DSCAM: variants seen among roughly 807,000 people sequenced by gnomAD.
DSCAM encodes the protein cell adhesion molecule DSCAM.
DSCAM carries 47 observed loss-of-function variants against 217.7 expected under a neutral mutation model. That is an observed-to-expected ratio of 0.22 (90% CI 0.17 to 0.28). The LOEUF (loss-of-function observed/expected upper bound fraction) is 0.28, where lower values mean the gene tolerates loss of function less well. Ranked by LOEUF, DSCAM falls within the 10% of genes least tolerant of loss-of-function variation. The probability of loss-of-function intolerance (pLI) is 1.00; values close to 1 mark genes in which losing one functional copy is unlikely to be tolerated. For synonymous variants in DSCAM, 1,056 were observed against 1,015.3 expected (o/e 1.04, Z -0.76); for missense variants, 2,080 against 2,618.3 (o/e 0.79, Z 4.49).
chr21:40,635,321 C>T (rs368344666), intron 3 of DSCAM, among the ~76,000 whole-genome samples: 31 of 152,180 alleles, frequency 2.0e-4, no homozygotes, highest in African/African-American at 6.5e-4. Flanking sequence ...GCGGGCCAGA[C>T]ACTGGAGACC....
intron 32 of DSCAM, among the ~76,000 whole-genome samples, chr21:40,039,292 G>T (rs1376399875): frequency 6.7e-6 from 1 of 150,300 alleles, no homozygotes; most frequent in African/African-American, 2.4e-5. Flanking sequence ...ATTAAATTAT[G>T]CAGATGAAAT....
At chr21:40,819,711 T>C (rs1305839372) in intron 1 of DSCAM, among the ~76,000 whole-genome samples, 2 of 152,192 alleles carry the variant, frequency 1.3e-5, no homozygotes, top group Non-Finnish European at 2.9e-5. Flanking sequence ...CTCATGAATA[T>C]GTTTGCCATG....
intron 10 of DSCAM, among the ~76,000 whole-genome samples, chr21:40,290,146 C>G (rs1008851766): frequency 1.3e-5 from 2 of 152,038 alleles, no homozygotes; most frequent in Non-Finnish European, 2.9e-5. Flanking sequence ...AGGTGGCAAT[C>G]CTATGGAACC....
intron 8 of DSCAM, 139 bp from the exon 9 acceptor site, chr21:40,312,498 A>G: frequency 1.0e-6 from 1 of 968,926 alleles, no homozygotes; most frequent in Non-Finnish European, 1.5e-6. Flanking sequence ...AGCAAATTTG[A>G]AATTCTGCTT....
chr21:40,289,016 A>C (rs1451332901), intron 10 of DSCAM, among the ~76,000 whole-genome samples: 1 of 152,206 alleles, frequency 6.6e-6, no homozygotes. Flanking sequence ...ATCAAGTCCA[A>C]ATTTAATGAC....
chr21:40,583,087 T>C (rs1313256497), intron 3 of DSCAM, among the ~76,000 whole-genome samples: 4 of 152,254 alleles, frequency 2.6e-5, no homozygotes, highest in Admixed American at 6.5e-5. Flanking sequence ...GAAAGATCAC[T>C]TCAGAATTCA....
intron 32 of DSCAM, among the ~76,000 whole-genome samples, chr21:40,028,637 TTTGACTAGGA>T (rs1428922088): frequency 6.6e-6 from 1 of 152,174 alleles, no homozygotes; most frequent in Non-Finnish European, 1.5e-5. Flanking sequence ...CACCCCTTTC[TTTGACTAGGA>T]AAGGGAACTC....
At chr21:40,376,421 TATATAG>T (rs1424716153) in intron 3 of DSCAM, among the ~76,000 whole-genome samples, 15 of 142,658 alleles carry the variant, frequency 1.1e-4, no homozygotes, top group African/African-American at 3.4e-4. Context: ...ATATATATCT[TATATAG>T]ATATCTATAT....
intron 11 of DSCAM, among the ~76,000 whole-genome samples, chr21:40,216,172 T>C (rs1033506707): frequency 3.9e-5 from 6 of 152,116 alleles, no homozygotes; most frequent in African/African-American, 1.4e-4. Context: ...AGATCATAGC[T>C]CACTGCAACC....
Position 40,112,985 on chromosome 21 carries a change from G to A in DSCAM, c.3696+11210C>T, listed in dbSNP as rs543674117. Among the ~76,000 whole-genome samples the A allele has an allele frequency of 5.8e-4, 89 of 152,234 alleles. 1 individual carries two copies. The highest frequency in any genetic ancestry group is 1.0e-3 in the Non-Finnish European group (71 of 68,022). On this transcript the variant is annotated intron_variant, in intron 20 of 32. Coordinates refer to ENST00000400454, the MANE Select transcript of DSCAM (RefSeq NM_001389.5). The stretch of plus-strand genomic sequence containing the variant: ...GATTCACAGCCAAATTCTACCAGAG[G>A]TACAAGGAGGAGCTGGTACCATTCC...
chr21:40,339,074 T>C (rs774660773), intron 7 of DSCAM, 45 bp downstream of exon 7: 9 of 1,602,614 alleles, frequency 5.6e-6, no homozygotes. Flanking sequence ...TTCTCCACTA[T>C]AATGAGTTAT....
At chr21:40,182,128 T>G (rs183615622) in intron 14 of DSCAM, among the ~76,000 whole-genome samples, 15 of 152,160 alleles carry the variant, frequency 9.9e-5, no homozygotes, top group East Asian at 3.9e-4. Flanking sequence ...AGAAGTGCTG[T>G]TAGAGGCTAA....
chr21:40,333,258 G>A (rs1259107177), intron 8 of DSCAM, among the ~76,000 whole-genome samples: 1 of 152,156 alleles, frequency 6.6e-6, no homozygotes, highest in Non-Finnish European at 1.5e-5. Context: ...CTTGGTAACT[G>A]AAAATAGTAA....
At chr21:40,528,774 T>C (rs1267459979) in intron 3 of DSCAM, among the ~76,000 whole-genome samples, 1 of 152,086 alleles carries the variant, frequency 6.6e-6, no homozygotes, top group East Asian at 1.9e-4. Flanking sequence ...AGTCATTGTC[T>C]CTGCTTTCAG....
chr21:40,313,679 C>T (rs1038454081), intron 8 of DSCAM, among the ~76,000 whole-genome samples: 1 of 151,848 alleles, frequency 6.6e-6, no homozygotes, highest in African/African-American at 2.4e-5. Context: ...CCCTTTTGGT[C>T]TTAGAACTAG....
At chr21:40,778,654 G>T (rs1163695275) in intron 1 of DSCAM, among the ~76,000 whole-genome samples, 1 of 152,110 alleles carries the variant, frequency 6.6e-6, no homozygotes, top group Non-Finnish European at 1.5e-5. Flanking sequence ...AAGAAAGAAG[G>T]ATGTATAAGG....
At chr21:40,363,340 C>A (rs1359668137) in intron 4 of DSCAM, among the ~76,000 whole-genome samples, 1 of 146,806 alleles carries the variant, frequency 6.8e-6, no homozygotes, top group Admixed American at 7.0e-5. Context: ...GCAACCTCTG[C>A]CTCCTGAGTT....
chr21:40,599,658 C>T (rs2077047894), intron 3 of DSCAM, among the ~76,000 whole-genome samples: 1 of 152,020 alleles, frequency 6.6e-6, no homozygotes, highest in Non-Finnish European at 1.5e-5. Context: ...TCAAAAAAAT[C>T]AATGAATCCA....
At chr21:40,825,456 T>G (rs1429779690) in intron 1 of DSCAM, among the ~76,000 whole-genome samples, 1 of 152,102 alleles carries the variant, frequency 6.6e-6, no homozygotes, top group Non-Finnish European at 1.5e-5. Flanking sequence ...TAGCTGGAAT[T>G]ACAGGCACTT....
Sources: allele counts gnomAD v4.1 joint callset (sites outside exome capture counted in the v4.1 genomes callset), GRCh38; gene constraint gnomAD v4.1.1; transcripts MANE v1.5; gene names NCBI Gene and HGNC (gene_info 2026-07-23, HGNC 2026-07-21).